RCAN2: variants seen among roughly 807,000 people sequenced by gnomAD.
RCAN2 encodes the protein regulator of calcineurin 2.
Under a neutral mutation model 23.6 loss-of-function variants are expected in RCAN2, and 9 were observed. The observed-to-expected ratio is 0.38, with a 90% CI of 0.23 to 0.67. RCAN2 has a LOEUF of 0.67. Among genes scored for constraint, RCAN2 ranks in the 30% least tolerant of loss-of-function variants. The pLI is 0.51. For missense variants in RCAN2, 273 were observed against 302.3 expected (o/e 0.90, Z 0.72); for synonymous variants, 109 against 115.7 (o/e 0.94, Z 0.37).
At chr6:46,312,115 T>A (rs1335899331) in intron 2 of RCAN2, among the ~76,000 whole-genome samples, 2 of 152,164 alleles carry the variant, frequency 1.3e-5, no homozygotes, top group Non-Finnish European at 2.9e-5. Flanking sequence ...TAAATGTAGA[T>A]ACTTAACCTA....
intron 2 of RCAN2, among the ~76,000 whole-genome samples, chr6:46,263,633 A>G (rs2799362): frequency 0.8 from 120,254 of 149,696 alleles, 48,594 homozygotes; most frequent in Non-Finnish European, 0.83. Flanking sequence ...GAATTTGTGT[A>G]TGTGGAAATA....
At chr6:46,456,262 C>T (rs1042230618) in intron 2 of RCAN2, among the ~76,000 whole-genome samples, 2 of 152,186 alleles carry the variant, frequency 1.3e-5, no homozygotes, top group African/African-American at 4.8e-5. Flanking sequence ...GACTCAGATG[C>T]CAACCAACTT....
intron 2 of RCAN2, among the ~76,000 whole-genome samples, chr6:46,350,354 A>G (rs768295239): frequency 2.6e-5 from 4 of 152,312 alleles, no homozygotes; most frequent in Non-Finnish European, 5.9e-5. Context: ...AAGAATTTGC[A>G]TGGTTTACGA....
At chr6:46,462,092 T>A (rs920692761) in intron 1 of RCAN2, among the ~76,000 whole-genome samples, 4 of 152,232 alleles carry the variant, frequency 2.6e-5, no homozygotes, top group African/African-American at 9.6e-5. Flanking sequence ...CTGTTAAGTG[T>A]GTAAATGAGT....
chr6:46,236,147 T>C (rs952951917), intron 4 of RCAN2, among the ~76,000 whole-genome samples: 3 of 152,220 alleles, frequency 2.0e-5, no homozygotes, highest in Non-Finnish European at 4.4e-5. Context: ...CATCACACAA[T>C]AGTCAAAGAA....
chr6:46,396,462 C>T (rs1209011998), intron 2 of RCAN2, among the ~76,000 whole-genome samples: 1 of 152,034 alleles, frequency 6.6e-6, no homozygotes, highest in Non-Finnish European at 1.5e-5. Context: ...TTCAAAAGAC[C>T]CGTATTTGAC....
intron 1 of RCAN2, among the ~76,000 whole-genome samples, chr6:46,484,715 C>T (rs1002249835): frequency 5.3e-5 from 8 of 152,208 alleles, no homozygotes; most frequent in African/African-American, 9.6e-5. Context: ...CCACTGATAA[C>T]GGAAACATCA....
intron 2 of RCAN2, among the ~76,000 whole-genome samples, chr6:46,305,515 G>A (rs1175203856): frequency 2.6e-5 from 4 of 152,026 alleles, no homozygotes; most frequent in South Asian, 2.1e-4. Flanking sequence ...CTAGACAGTA[G>A]GCTAAGATGC....
At chr6:46,454,542 G>GA (rs1051489276) in intron 2 of RCAN2, among the ~76,000 whole-genome samples, 49 of 150,736 alleles carry the variant, frequency 3.3e-4, no homozygotes, top group Admixed American at 5.9e-4. Flanking sequence ...AGTAAAAAAA[G>GA]AAAAAAAAAT....
intron 2 of RCAN2, among the ~76,000 whole-genome samples, chr6:46,419,041 T>C (rs1487187943): frequency 6.6e-6 from 1 of 151,666 alleles, no homozygotes; most frequent in South Asian, 2.1e-4. Context: ...AAAAAGAAAA[T>C]AACATAATTT....
intron 2 of RCAN2, among the ~76,000 whole-genome samples, chr6:46,434,768 C>T (rs1189858787): frequency 6.6e-6 from 1 of 152,116 alleles, no homozygotes; most frequent in African/African-American, 2.4e-5. Flanking sequence ...TGATTTTGCC[C>T]CCCAGGGGAC....
intron 2 of RCAN2, among the ~76,000 whole-genome samples, chr6:46,397,330 T>C (rs1310071015): frequency 6.6e-6 from 1 of 151,502 alleles, no homozygotes; most frequent in African/African-American, 2.4e-5. Context: ...GTTGTGATTA[T>C]AATCATTACA....
chr6:46,399,745 C>T (rs941091864), intron 2 of RCAN2, among the ~76,000 whole-genome samples: 1 of 151,960 alleles, frequency 6.6e-6, no homozygotes, highest in African/African-American at 2.4e-5. Flanking sequence ...CTGTGTTTCC[C>T]ACTTCTCTTT....
intron 2 of RCAN2, among the ~76,000 whole-genome samples, chr6:46,310,981 G>A (rs575494936): frequency 6.6e-6 from 1 of 152,142 alleles, no homozygotes. Context: ...TCAAAATTTA[G>A]AGAAGAGGCA....
At chr6:46,426,928 T>C (rs561871354) in intron 2 of RCAN2, among the ~76,000 whole-genome samples, 1 of 152,192 alleles carries the variant, frequency 6.6e-6, no homozygotes, top group South Asian at 2.1e-4. Flanking sequence ...CAAACCTGTA[T>C]GTGAATCCTT....
At chr6:46,365,291 C>T (rs1729343095) in intron 2 of RCAN2, among the ~76,000 whole-genome samples, 1 of 151,964 alleles carries the variant, frequency 6.6e-6, no homozygotes, top group African/African-American at 2.4e-5. Flanking sequence ...GCCTGGCCAA[C>T]ATGGTGAAAC....
chr6:46,278,423 T>A, intron 2 of RCAN2, among the ~76,000 whole-genome samples: 1 of 152,008 alleles, frequency 6.6e-6, no homozygotes, highest in East Asian at 1.9e-4. Context: ...CACACTTTAT[T>A]CCTGAATCAT....
At chr6:46,473,447 T>C (rs1270204743) in intron 1 of RCAN2, among the ~76,000 whole-genome samples, 1 of 152,204 alleles carries the variant, frequency 6.6e-6, no homozygotes, top group Non-Finnish European at 1.5e-5. Context: ...TGTGCTATTT[T>C]TTTTTGTTCT....
intron 2 of RCAN2, among the ~76,000 whole-genome samples, chr6:46,447,230 G>A (rs1212432374): frequency 1.3e-5 from 2 of 151,782 alleles, no homozygotes; most frequent in Non-Finnish European, 2.9e-5. Context: ...AGTAGAACAA[G>A]ACAAAGAAAG....
Sources: gnomAD v4.1 joint callset for allele counts (sites outside exome capture counted in the v4.1 genomes callset) on GRCh38, gnomAD v4.1.1 for gene constraint, MANE v1.5 for transcripts, NCBI Gene and HGNC (gene_info 2026-07-23, HGNC 2026-07-21) for gene names.